The following ARFGEF2 variants were observed in gnomAD, a reference collection of about 807,000 sequenced individuals.
ARFGEF2 encodes the protein ARF guanine nucleotide exchange factor 2.
In ARFGEF2, 74 loss-of-function variants were observed where a neutral mutation model predicts 219.9. The observed-to-expected ratio is 0.34, with a 90% confidence interval of 0.28 to 0.41. The LOEUF is 0.41. Ranked by LOEUF, ARFGEF2 falls within the 10% of genes least tolerant of loss-of-function variation. The probability of loss-of-function intolerance (pLI) is 1.00; values close to 1 mark genes in which losing one functional copy is unlikely to be tolerated. For synonymous variants in ARFGEF2, 733 were observed against 799.2 expected, an observed-to-expected ratio of 0.92 and a Z score of 1.40; for missense variants, 1,743 against 2,218.3, an observed-to-expected ratio of 0.79 and a Z score of 4.30.
At chr20:49,025,849 G>C (rs2091598492) in intron 36 of ARFGEF2, among the ~76,000 whole-genome samples, 1 of 151,962 alleles carries the variant, frequency 6.6e-6, no homozygotes. Flanking sequence ...AGGTGTGGTG[G>C]TGCAAACCCA....
At chr20:48,935,843 G>A (rs1412506731) in intron 1 of ARFGEF2, among the ~76,000 whole-genome samples, 13 of 123,858 alleles carry the variant, frequency 1.0e-4, no homozygotes, top group Non-Finnish European at 2.0e-4. Context: ...CCTCCCTCCC[G>A]GACGGGGCGG....
intron 6 of ARFGEF2, 64 bp from the exon 7 acceptor site, chr20:48,963,766 C>G: frequency 6.6e-7 from 1 of 1,523,202 alleles, no homozygotes; most frequent in Non-Finnish European, 9.1e-7. Flanking sequence ...TCTCCTTTTC[C>G]TCTCTTCCTT....
chr20:48,975,417 G>GT (rs1251841085), intron 13 of ARFGEF2, among the ~76,000 whole-genome samples: 3 of 152,094 alleles, frequency 2.0e-5, no homozygotes, highest in Non-Finnish European at 4.4e-5. Flanking sequence ...CTTGTTTTTG[G>GT]TATCTTGTAG....
rs533795404 is a variant in ARFGEF2, at chr20:48,964,474, A to T, written c.907+576A>T. 2.0e-5 allele frequency among the ~76,000 whole-genome samples: 3 copies of T among 152,340 alleles called. No individual in the cohort carries two copies. In the East Asian group the frequency reaches 5.8e-4, roughly 29 times the overall value. The stretch of plus-strand genomic sequence containing the variant: ...ACATAGAGATGCCAAGGGCCATTCC[A>T]TATGCCTTGTAGATTAGGGGATGTC... On this transcript the variant is annotated intron_variant, in intron 7 of 38. Transcript: ENST00000371917.
intron 7 of ARFGEF2, among the ~76,000 whole-genome samples, chr20:48,965,218 G>A (rs1288286235): frequency 6.6e-6 from 1 of 152,156 alleles, no homozygotes; most frequent in South Asian, 2.1e-4. Flanking sequence ...GCAGAGCCTG[G>A]TACATAATTG....
chr20:49,005,478 C>A (rs911217684), intron 26 of ARFGEF2, among the ~76,000 whole-genome samples: 1 of 152,220 alleles, frequency 6.6e-6, no homozygotes, highest in Non-Finnish European at 1.5e-5. Flanking sequence ...GTGGCTCACA[C>A]CTGTAATCCC....
At chr20:48,970,471 A>G (rs879711778) in intron 9 of ARFGEF2, among the ~76,000 whole-genome samples, 15 of 151,650 alleles carry the variant, frequency 9.9e-5, no homozygotes, top group Non-Finnish European at 1.5e-4. Context: ...TTAGCCGGGC[A>G]TGGTGGCAGG....
chr20:48,936,280 G>A (rs1384145691), intron 1 of ARFGEF2, among the ~76,000 whole-genome samples: 3 of 148,234 alleles, frequency 2.0e-5, no homozygotes, highest in Admixed American at 6.6e-5. Context: ...CGGACGGGGC[G>A]GCTGGCCAGG....
intron 7 of ARFGEF2, among the ~76,000 whole-genome samples, chr20:48,964,122 G>C (rs1366103766): frequency 6.6e-6 from 1 of 152,142 alleles, no homozygotes; most frequent in Non-Finnish European, 1.5e-5. Context: ...AGGAAACATA[G>C]TCTGGGCCAG....
In ARFGEF2 at chr20:49,031,926, A is replaced by G. The variant is rs2091637855; in HGVS notation, c.5064-123A>G. On this transcript the variant is annotated intron_variant, in intron 37 of 38. Transcript: ENST00000371917. ...GAGCAAGACCCTGTCTCAAAAAAAA[A>G]AAAGTAATTAAAAAAAACATGTTAA... 3.5e-6 allele frequency: 3 copies of G among 856,532 alleles called. No individual in the cohort carries two copies. The Admixed American group carries it at 5.6e-5, about 16-fold the overall frequency. The allele number at this position is 856,532 out of a possible 1,614,324, so 53.1% of individuals were successfully genotyped here.
intron 7 of ARFGEF2, among the ~76,000 whole-genome samples, chr20:48,964,595 C>T (rs970962931): frequency 6.6e-6 from 1 of 152,196 alleles, no homozygotes; most frequent in Non-Finnish European, 1.5e-5. Context: ...GGACAGTCCA[C>T]ATGTCAGCAG....
rs1310470231 is a variant in ARFGEF2 at position 48,988,396 on chromosome 20, A to G, written c.2361+8A>G. On this transcript the variant is annotated splice_region_variant and intron_variant, in intron 17 of 38. Coordinates refer to ENST00000371917, the MANE Select transcript of ARFGEF2 (RefSeq NM_006420.3). ...GACTTGCACAGTCCTCAGGTAAAGCACTTTAATGATTTACATGTTGTATTA... is the reference window on the plus strand; with the variant it reads ...GACTTGCACAGTCCTCAGGTAAAGCGCTTTAATGATTTACATGTTGTATTA... 1.2e-6 allele frequency: 2 copies of G among 1,613,276 alleles called. No individual in the cohort carries two copies. Among genetic ancestry groups the G allele is most frequent in the Non-Finnish European group, 1.7e-6 (2 of 1,179,568 alleles).
intron 12 of ARFGEF2, 83 bp from the exon 13 acceptor site, chr20:48,974,679 CCTCA>C: frequency 1.0e-6 from 1 of 994,554 alleles, no homozygotes; most frequent in Admixed American, 2.0e-5. Context: ...TCTTTCTTAG[CCTCA>C]CTGGGGTCCC....
At chr20:49,010,163 T>G in intron 26 of ARFGEF2, 69 bp from the exon 27 acceptor site, 462 of 1,538,242 alleles carry the variant, frequency 3.0e-4, no homozygotes, top group Non-Finnish European at 3.7e-4. Context: ...TTCTAAGGGA[T>G]GAGCTATGTT....
chr20:48,955,119 AT>A (rs2091098181), intron 6 of ARFGEF2, among the ~76,000 whole-genome samples: 1 of 152,156 alleles, frequency 6.6e-6, no homozygotes, highest in African/African-American at 2.4e-5. Context: ...CCCTTTGGTA[AT>A]TCCCCATCCT....
intron 1 of ARFGEF2, among the ~76,000 whole-genome samples, chr20:48,931,767 A>T (rs1307374276): frequency 6.6e-6 from 1 of 152,226 alleles, no homozygotes; most frequent in Non-Finnish European, 1.5e-5. Flanking sequence ...GGCCAGGGCC[A>T]GGGTGGTAGA....
At position 49,017,225 on chromosome 20, in the gene ARFGEF2, G is replaced by A. The variant is rs1367812229; in HGVS notation, c.4316-24G>A. On this transcript the variant is annotated intron_variant, in intron 31 of 38. Transcript: ENST00000371917. Reference sequence around the variant, plus strand: ...ATCAAAATAGCAGTAGAAGTTTAATGATAGATACTGCTTTATTTTACAGAT... The same window carrying A: ...ATCAAAATAGCAGTAGAAGTTTAATAATAGATACTGCTTTATTTTACAGAT... The A allele has an allele frequency of 1.9e-6, 3 of 1,612,666 alleles. No homozygotes were observed. In the African/African-American group the frequency reaches 4.0e-5, roughly 22 times the overall value.
chr20:48,971,825 C>T (rs1004905893), intron 10 of ARFGEF2, among the ~76,000 whole-genome samples: 3 of 151,708 alleles, frequency 2.0e-5, no homozygotes, highest in East Asian at 1.9e-4. Context: ...GGCATGAACC[C>T]GGGAGGCGGA....
At chr20:48,967,898 T>C (rs545938851) in intron 8 of ARFGEF2, among the ~76,000 whole-genome samples, 1 of 152,226 alleles carries the variant, frequency 6.6e-6, no homozygotes, top group Non-Finnish European at 1.5e-5. Flanking sequence ...TTATCCATGT[T>C]GTTTTCATTT....
Sources: allele counts gnomAD v4.1 joint callset (sites outside exome capture counted in the v4.1 genomes callset), GRCh38; gene constraint gnomAD v4.1.1; transcripts MANE v1.5; gene names NCBI Gene and HGNC (gene_info 2026-07-23, HGNC 2026-07-21).